The following FER variants were observed in gnomAD, a reference collection of about 807,000 sequenced individuals.
FER encodes FER tyrosine kinase.
Under a neutral mutation model 111.0 loss-of-function variants are expected in FER, and 63 were observed. The ratio of observed to expected loss-of-function variants is 0.57; its 90% CI spans 0.46 to 0.70. The LOEUF (loss-of-function observed/expected upper bound fraction) is 0.70. FER is among the 30% of genes least tolerant of loss of function. The pLI, the probability that FER is intolerant of heterozygous loss-of-function variation, is 0.00. For missense variants in FER, 914 were observed against 954.0 expected, an observed-to-expected ratio of 0.96 and a Z score of 0.55; for synonymous variants, 327 against 313.9, an observed-to-expected ratio of 1.04 and a Z score of -0.44.
chr5:109,188,257 ATGCCTGGG>A lies in FER; in HGVS notation c.*683_*690del, dbSNP rs1759095847. The A allele has an allele frequency of 2.8e-5, 4 of 140,870 alleles. No homozygotes were observed. Among genetic ancestry groups the A allele is most frequent in the African/African-American group, 1.0e-4 (4 of 39,112 alleles). 8.7% of individuals were successfully genotyped at this position (140,870 alleles called of 1,614,324 possible). A position where few individuals can be genotyped will look rare whatever the true frequency, so the allele number is the denominator to read the frequency against. On this transcript the variant is annotated 3_prime_UTR_variant, in exon 20 of 20. Coordinates refer to ENST00000281092, the MANE Select transcript of FER (RefSeq NM_005246.4). ...CCTGTAATCCCAGGCATGTAATCTCATGCCTGGGATTACAGGCGTGAGCCACAGTGCCC... is the reference window on the plus strand; with the variant it reads ...CCTGTAATCCCAGGCATGTAATCTCAATTACAGGCGTGAGCCACAGTGCCC...
In FER at chr5:108,798,309, G is replaced by T. The variant is rs1350077383; in HGVS notation, c.127G>T (p.Ala43Ser). 1.9e-6 allele frequency: 3 copies of T among 1,613,812 alleles called. No individual in the cohort carries two copies. The highest frequency in any genetic ancestry group is 2.5e-6 in the Non-Finnish European group (3 of 1,179,748). The change falls in exon 3 of 20, where the codon GCA becomes TCA. Residue 43 changes from alanine (A) to serine (S), a missense_variant. By Grantham distance (99) the Ala-to-Ser change is moderately conservative. This residue lies in a region of FER where 774 missense variants were observed against 782.6 expected (regional missense o/e 0.99). Coordinates refer to ENST00000281092, the MANE Select transcript of FER (RefSeq NM_005246.4). ...GAGAATAAAAAGTGATAAAGAATATGCATCTACTTTACAGAACCTTTGTAA... is the reference window on the plus strand; with the variant it reads ...GAGAATAAAAAGTGATAAAGAATATTCATCTACTTTACAGAACCTTTGTAA... ...ALRIKSDKEY[A>S]STLQNLCNQV...
chr5:108,807,669 G>A (rs1302623103), intron 3 of FER, among the ~76,000 whole-genome samples: 1 of 152,018 alleles, frequency 6.6e-6, no homozygotes, highest in Admixed American at 6.6e-5. Context: ...TATCTTTAGG[G>A]TTAGTTCTTG....
chr5:108,944,305 G>C (rs1756684399), intron 10 of FER, among the ~76,000 whole-genome samples: 1 of 151,970 alleles, frequency 6.6e-6, no homozygotes, highest in Non-Finnish European at 1.5e-5. Context: ...TACAATTTCA[G>C]GTATTATTTA....
chr5:108,819,228 G>T (rs1758589105), intron 3 of FER, among the ~76,000 whole-genome samples: 3 of 128,434 alleles, frequency 2.3e-5, no homozygotes, highest in African/African-American at 9.1e-5. Context: ...TGACTCTTTT[G>T]CCCACGCTCG....
chr5:109,127,521 A>C (rs1270859689), intron 17 of FER, among the ~76,000 whole-genome samples: 1 of 152,072 alleles, frequency 6.6e-6, no homozygotes, highest in Non-Finnish European at 1.5e-5. Context: ...CTCCTGCCTC[A>C]GCCTGCTGAG....
At chr5:108,936,427 C>T (rs1476064607) in intron 10 of FER, among the ~76,000 whole-genome samples, 2 of 151,960 alleles carry the variant, frequency 1.3e-5, no homozygotes, top group Non-Finnish European at 2.9e-5. Flanking sequence ...TTTGGAGTTA[C>T]ACAATGGCTG....
chr5:109,178,652 T>C (rs551898569), intron 17 of FER, among the ~76,000 whole-genome samples: 2 of 152,336 alleles, frequency 1.3e-5, no homozygotes, highest in South Asian at 4.1e-4. Flanking sequence ...TCCTCTCTGT[T>C]CTATTCAATT....
intron 13 of FER, among the ~76,000 whole-genome samples, chr5:108,975,868 T>C (rs1761268767): frequency 6.6e-6 from 1 of 152,160 alleles, no homozygotes. Flanking sequence ...AGGTTTATAA[T>C]TCAGCAGCTA....
At chr5:108,796,468 G>A (rs899820007) in intron 2 of FER, among the ~76,000 whole-genome samples, 1 of 152,192 alleles carries the variant, frequency 6.6e-6, no homozygotes, top group Non-Finnish European at 1.5e-5. Context: ...AGGGTGGTGA[G>A]TTTCTGTAGG....
chr5:108,805,507 CAGA>C (rs1757111876), intron 3 of FER, among the ~76,000 whole-genome samples: 1 of 152,108 alleles, frequency 6.6e-6, no homozygotes, highest in Non-Finnish European at 1.5e-5. Flanking sequence ...TTGGAAGGTT[CAGA>C]AGAAGACAGG....
chr5:108,967,469 A>G (rs1463284483), intron 13 of FER, among the ~76,000 whole-genome samples: 1 of 151,994 alleles, frequency 6.6e-6, no homozygotes, highest in Non-Finnish European at 1.5e-5. Flanking sequence ...AGTGTGAAAA[A>G]CCAATTATGA....
At chr5:108,796,127 G>T (rs951863161) in intron 2 of FER, among the ~76,000 whole-genome samples, 2 of 152,222 alleles carry the variant, frequency 1.3e-5, no homozygotes, top group African/African-American at 4.8e-5. Flanking sequence ...AAGTGGACTT[G>T]TAGGGGCACT....
chr5:109,086,915 T>C (rs1040812982), intron 16 of FER, among the ~76,000 whole-genome samples: 1 of 150,046 alleles, frequency 6.7e-6, no homozygotes, highest in African/African-American at 2.4e-5. Flanking sequence ...TTGTGTATGG[T>C]CATCTTCTCT....
chr5:108,867,685 A>T, intron 5 of FER, 82 bp from the exon 6 acceptor site: 1 of 1,276,852 alleles, frequency 7.8e-7, no homozygotes, highest in Non-Finnish European at 1.1e-6. Flanking sequence ...ATAAAACAGT[A>T]GTAATTCAGT....
intron 16 of FER, among the ~76,000 whole-genome samples, chr5:109,047,662 TG>T (rs1367308278): frequency 6.6e-6 from 1 of 152,186 alleles, no homozygotes; most frequent in Admixed American, 6.5e-5. Flanking sequence ...CTTGAACTTC[TG>T]GGCTCATGTG....
intron 3 of FER, among the ~76,000 whole-genome samples, chr5:108,808,842 C>T (rs973972454): frequency 1.3e-5 from 2 of 152,130 alleles, no homozygotes; most frequent in African/African-American, 2.4e-5. Context: ...CCTTCACTTA[C>T]GATGCTTAGT....
rs1228661190 is a variant in FER, at chr5:109,192,916, CT to C, written c.*5342del. 1.3e-5 allele frequency: 2 copies of C among 152,016 alleles called. No homozygotes were observed. The highest frequency in any genetic ancestry group is 4.8e-5 in the African/African-American group (2 of 41,376). 9.4% of individuals were successfully genotyped at this position (152,016 alleles called of 1,614,324 possible). ...AAATCCTAAAGCTTAGTCAGGGTGCCTAAGGTAAGACACAAAAAGAAAGAGA... is the reference window on the plus strand; with the variant it reads ...AAATCCTAAAGCTTAGTCAGGGTGCCAAGGTAAGACACAAAAAGAAAGAGA... On this transcript the variant is annotated 3_prime_UTR_variant, in exon 20 of 20. Coordinates refer to ENST00000281092, the MANE Select transcript of FER (RefSeq NM_005246.4).
At chr5:108,771,590 C>T (rs998261889) in intron 2 of FER, among the ~76,000 whole-genome samples, 2 of 152,146 alleles carry the variant, frequency 1.3e-5, no homozygotes, top group Non-Finnish European at 2.9e-5. Context: ...CTCATGCTTT[C>T]TGTATTTCTC....
chr5:108,826,234 T>C (rs1457715883), intron 3 of FER, among the ~76,000 whole-genome samples: 1 of 152,210 alleles, frequency 6.6e-6, no homozygotes, highest in Non-Finnish European at 1.5e-5. Flanking sequence ...AAATACAAAA[T>C]TATTGATTCG....
Sources: allele counts gnomAD v4.1 joint callset (sites outside exome capture counted in the v4.1 genomes callset), GRCh38; gene constraint gnomAD v4.1.1; regional missense constraint gnomAD v4.1.1; transcripts MANE v1.5; gene names NCBI Gene and HGNC (gene_info 2026-07-23, HGNC 2026-07-21).